XPO4: variants seen among roughly 807,000 people sequenced by gnomAD.
XPO4 encodes exportin 4.
Under a neutral mutation model 143.0 loss-of-function variants are expected in XPO4, and 39 were observed. That is an observed-to-expected ratio of 0.27 (90% CI 0.21 to 0.36). The LOEUF (loss-of-function observed/expected upper bound fraction) is 0.36. XPO4 is among the 10% of genes least tolerant of loss of function. The pLI, the probability that XPO4 is intolerant of heterozygous loss-of-function variation, is 1.00. For synonymous variants in XPO4, 439 were observed against 474.0 expected, an observed-to-expected ratio of 0.93 and a Z score of 0.96; for missense variants, 907 against 1,348.0, an observed-to-expected ratio of 0.67 and a Z score of 5.12.
intron 9 of XPO4, among the ~76,000 whole-genome samples, chr13:20,813,175 A>T (rs1490047583): frequency 1.3e-5 from 2 of 151,998 alleles, no homozygotes; most frequent in Non-Finnish European, 2.9e-5. Context: ...CACCACCCCC[A>T]TAATCCAATC....
chr13:20,887,379 T>A (rs2060470856), intron 1 of XPO4, among the ~76,000 whole-genome samples: 2 of 152,152 alleles, frequency 1.3e-5, no homozygotes, highest in Admixed American at 1.3e-4. Context: ...ATATATATAT[T>A]AAAACATTAC....
intron 16 of XPO4, among the ~76,000 whole-genome samples, chr13:20,798,137 C>T (rs567143658): frequency 3.3e-5 from 5 of 151,398 alleles, no homozygotes; most frequent in East Asian, 1.9e-4. Flanking sequence ...AGCAAGACTC[C>T]GTCTCAAAAA....
At chr13:20,899,828 T>C (rs960510418) in intron 1 of XPO4, among the ~76,000 whole-genome samples, 2 of 152,210 alleles carry the variant, frequency 1.3e-5, no homozygotes, top group Non-Finnish European at 2.9e-5. Flanking sequence ...CCATAAGATA[T>C]ATTCAGACCC....
At chr13:20,810,794 TGTATACGC>T in intron 9 of XPO4, among the ~76,000 whole-genome samples, 1 of 152,352 alleles carries the variant, frequency 6.6e-6, no homozygotes, top group Non-Finnish European at 1.5e-5. Context: ...ACCCTGAGGC[TGTATACGC>T]TTCAAGATAG....
chr13:20,845,313 G>T (rs1376176479), intron 4 of XPO4, among the ~76,000 whole-genome samples: 1 of 152,158 alleles, frequency 6.6e-6, no homozygotes, highest in Non-Finnish European at 1.5e-5. Flanking sequence ...TCCACACCTG[G>T]AAGTAAATGC....
rs1046859762 is a variant in XPO4, at chr13:20,798,827, C to A, written c.2322+338G>T. Among the ~76,000 whole-genome samples the A allele has an allele frequency of 1.7e-4, 26 of 151,948 alleles. 1 individual carries two copies. The highest frequency in any genetic ancestry group is 9.8e-4 in the Admixed American group (15 of 15,238). ...TTGAGGCCAGGAGTTCGAGACCAGC[C>A]TGGCCAACATGGCAAAAGCCCGTCT... On this transcript the variant is annotated intron_variant, in intron 16 of 22. Transcript: ENST00000255305.
rs546774395 is a variant in XPO4 at position 20,783,688 on chromosome 13, G to GA, written c.*33dup. ...TTTCAGCAATTCAGTGCACTTTGCAGAAAGGATCTAAATTAAGCATAAAGT... is the reference window on the plus strand; with the variant it reads ...TTTCAGCAATTCAGTGCACTTTGCAGAAAAGGATCTAAATTAAGCATAAAGT... On this transcript the variant is annotated 3_prime_UTR_variant, in exon 23 of 23. Coordinates refer to ENST00000255305, the MANE Select transcript of XPO4 (RefSeq NM_022459.5). 331 of 1,606,972 alleles carry GA rather than the reference G, an allele frequency of 2.1e-4. 2 individuals carry two copies. The South Asian group carries it at 3.4e-3, about 17-fold the overall frequency.
chr13:20,816,704 T>C (rs2059655101), intron 9 of XPO4, among the ~76,000 whole-genome samples: 1 of 152,200 alleles, frequency 6.6e-6, no homozygotes, highest in African/African-American at 2.4e-5. Flanking sequence ...TGCACTAGGA[T>C]TGGTAAAGCA....
In XPO4 at chr13:20,837,974, T is replaced by C. The variant is rs527854824; in HGVS notation, c.727+4921A>G. Among the ~76,000 whole-genome samples the C allele has an allele frequency of 8.1e-4, 123 of 152,192 alleles. 3 individuals are homozygous for C. The South Asian group carries it at 0.025, about 30-fold the overall frequency. The stretch of plus-strand genomic sequence containing the variant: ...CAGAGTCAAACCACATCATGAGGTT[T>C]TGCCATGTTGCCCAGGCTAGTCTCA... On this transcript the variant is annotated intron_variant, in intron 6 of 22. Transcript: ENST00000255305.
At chr13:20,846,029 T>C (rs988623932) in intron 4 of XPO4, among the ~76,000 whole-genome samples, 1 of 152,184 alleles carries the variant, frequency 6.6e-6, no homozygotes, top group Non-Finnish European at 1.5e-5. Context: ...AGATAACCTA[T>C]TAAAAACAGA....
At chr13:20,844,573 A>C (rs1164351140) in intron 4 of XPO4, among the ~76,000 whole-genome samples, 3 of 152,206 alleles carry the variant, frequency 2.0e-5, no homozygotes, top group African/African-American at 7.2e-5. Context: ...AGAAATATGC[A>C]CACTACCTCT....
At position 20,794,662 on chromosome 13, in the gene XPO4, T is replaced by C. The variant is rs111771965; in HGVS notation, c.2797+1414A>G. Reference sequence around the variant, plus strand: ...GTGGGAGAATAGTTTAAGCCTGAGGTTGAGGCTGCACAGAGCTGTGACCAT... The same window carrying C: ...GTGGGAGAATAGTTTAAGCCTGAGGCTGAGGCTGCACAGAGCTGTGACCAT... On this transcript the variant is annotated intron_variant, in intron 18 of 22. Coordinates refer to ENST00000255305, the MANE Select transcript of XPO4 (RefSeq NM_022459.5). Among the ~76,000 whole-genome samples, 280 of 152,180 alleles carry C rather than the reference T, an allele frequency of 1.8e-3. 1 individual carries two copies. The highest frequency in any genetic ancestry group is 5.9e-3 in the African/African-American group (246 of 41,538).
At chr13:20,790,663 C>T in intron 18 of XPO4, 83 bp from the exon 19 acceptor site, 1 of 1,072,486 alleles carries the variant, frequency 9.3e-7, no homozygotes, top group Non-Finnish European at 1.4e-6. Flanking sequence ...TGAAAATAAA[C>T]TCACCCCTAG....
rs75245519 is a variant in XPO4 at position 20,831,322 on chromosome 13, G to A, written c.728-4143C>T. Among the ~76,000 whole-genome samples the A allele has an allele frequency of 2.5e-3, 379 of 152,184 alleles. 1 individual carries two copies. Among genetic ancestry groups the A allele is most frequent in the African/African-American group, 8.1e-3 (337 of 41,546 alleles). ...TAGTTTCCTTTTAAAACTTTCAAAA[G>A]TTTGGTTTATAGTCACCACTTTAGC... On this transcript the variant is annotated intron_variant, in intron 6 of 22. Transcript: ENST00000255305.
At chr13:20,811,188 C>G (rs1294720120) in intron 9 of XPO4, among the ~76,000 whole-genome samples, 1 of 151,902 alleles carries the variant, frequency 6.6e-6, no homozygotes, top group East Asian at 1.9e-4. Flanking sequence ...AGGCAAGAAA[C>G]AGATCAAAGG....
At chr13:20,799,066 T>C (rs1195095176) in intron 16 of XPO4, 99 bp downstream of exon 16, 2 of 1,111,932 alleles carry the variant, frequency 1.8e-6, no homozygotes, top group Non-Finnish European at 2.5e-6. Context: ...AAGCTATGAC[T>C]GATACATTTA....
At position 20,830,601 on chromosome 13, in the gene XPO4, TA is replaced by T. The variant is rs543929511; in HGVS notation, c.728-3423del. On this transcript the variant is annotated intron_variant, in intron 6 of 22. Coordinates refer to ENST00000255305, the MANE Select transcript of XPO4 (RefSeq NM_022459.5). ...AACTACAAATCATATCCCACTCTAC[TA>T]AAAAAAATTAATTATTCCCAAAAGC... Among the ~76,000 whole-genome samples the T allele has an allele frequency of 4.6e-5, 7 of 151,924 alleles. No individual in the cohort carries two copies. The South Asian group carries it at 6.2e-4, about 14-fold the overall frequency.
chr13:20,838,350 C>A (rs1433270554), intron 6 of XPO4, among the ~76,000 whole-genome samples: 1 of 151,830 alleles, frequency 6.6e-6, no homozygotes, highest in Admixed American at 6.5e-5. Flanking sequence ...TGGCTCACGC[C>A]TGTAATCCCA....
At position 20,800,189 on chromosome 13, in the gene XPO4, T is replaced by A; in HGVS notation, c.2114A>T (p.Gln705Leu). ...TCTTTCCACCAAAGTGACAAGGAGC[T>A]GCACAGTGTCATTTGCAAGGTCCTG... ...SEQDLANDTV[Q>L]LLVTLVERRE... Residue 705 changes from glutamine (Q) to leucine (L), a missense_variant, in exon 15 of 23, where the codon CAG becomes CTG. Transcript: ENST00000255305. 2 of 1,614,140 alleles carry A rather than the reference T, an allele frequency of 1.2e-6. No homozygotes were observed. Among genetic ancestry groups the A allele is most frequent in the Non-Finnish European group, 1.7e-6 (2 of 1,180,024 alleles).
Sources: gnomAD v4.1 joint callset for allele counts (sites outside exome capture counted in the v4.1 genomes callset) on GRCh38, gnomAD v4.1.1 for gene constraint, MANE v1.5 for transcripts, NCBI Gene and HGNC (gene_info 2026-07-23, HGNC 2026-07-21) for gene names.